Variants in RALYL observed in about 807,000 individuals in gnomAD.
The protein encoded by RALYL is RNA-binding Raly-like protein.
Under a neutral mutation model 35.1 loss-of-function variants are expected in RALYL, and 29 were observed. That is an observed-to-expected ratio of 0.83 (90% CI 0.61 to 1.13). RALYL has a LOEUF of 1.13. RALYL is among the 50% of genes most tolerant of loss of function. The pLI, the probability that RALYL is intolerant of heterozygous loss-of-function variation, is 0.00. For synonymous variants in RALYL, 120 were observed against 127.6 expected (o/e 0.94, Z 0.40); for missense variants, 359 against 360.4 (o/e 1.00, Z 0.03).
intron 3 of RALYL, among the ~76,000 whole-genome samples, 160 bp downstream of exon 3, chr8:84,774,814 G>T (rs1009224234): frequency 1.3e-5 from 2 of 152,136 alleles, no homozygotes; most frequent in Non-Finnish European, 2.9e-5. Flanking sequence ...ATATCTTGCT[G>T]CATTGGCAAG....
chr8:84,461,255 T>TC (rs1295121277), intron 1 of RALYL, among the ~76,000 whole-genome samples: 2 of 151,722 alleles, frequency 1.3e-5, no homozygotes, highest in African/African-American at 4.8e-5. Flanking sequence ...ATACCTTCCA[T>TC]TTTAATCAAA....
chr8:84,799,424 T>C (rs1475087718), intron 3 of RALYL, among the ~76,000 whole-genome samples: 1 of 152,192 alleles, frequency 6.6e-6, no homozygotes, highest in African/African-American at 2.4e-5. Context: ...AAAGAAATAC[T>C]GAAGAAGGAA....
intron 1 of RALYL, among the ~76,000 whole-genome samples, chr8:84,403,747 A>G (rs2043181507): frequency 1.3e-5 from 2 of 151,864 alleles, no homozygotes; most frequent in Non-Finnish European, 2.9e-5. Context: ...TGATGGGAAT[A>G]TCATTGAATC....
At chr8:84,589,309 A>C (rs937288948) in intron 2 of RALYL, among the ~76,000 whole-genome samples, 1 of 152,178 alleles carries the variant, frequency 6.6e-6, no homozygotes, top group Non-Finnish European at 1.5e-5. Context: ...ATAGGAGAAA[A>C]ATGTAGCTTT....
chr8:84,277,167 A>C (rs1835552290), intron 1 of RALYL, among the ~76,000 whole-genome samples: 1 of 152,202 alleles, frequency 6.6e-6, no homozygotes, highest in African/African-American at 2.4e-5. Flanking sequence ...TGAAAGAAAG[A>C]GGTTTAATGG....
At chr8:84,621,057 T>G (rs1281534677) in intron 2 of RALYL, among the ~76,000 whole-genome samples, 1 of 152,224 alleles carries the variant, frequency 6.6e-6, no homozygotes, top group African/African-American at 2.4e-5. Context: ...GTTTGTGCCC[T>G]GCCCCCAGAG....
rs529656004 is a variant in RALYL at position 84,198,999 on chromosome 8, G to A, written c.-24+14575G>A. Among the ~76,000 whole-genome samples, 9 of 152,036 alleles carry A rather than the reference G, an allele frequency of 5.9e-5. No individual in the cohort carries two copies. The East Asian group carries it at 1.5e-3, about 26-fold the overall frequency. The stretch of plus-strand genomic sequence containing the variant: ...TGATATACTAATCTTCTTTCTTTTG[G>A]GTATATACTCCAGAGTGGGATTTCG... On this transcript the variant is annotated intron_variant, in intron 1 of 8. Transcript: ENST00000521268.
At chr8:84,318,050 T>G (rs1173500750) in intron 1 of RALYL, among the ~76,000 whole-genome samples, 2 of 152,212 alleles carry the variant, frequency 1.3e-5, no homozygotes, top group Non-Finnish European at 2.9e-5. Context: ...AAAATAGCCA[T>G]AAAACATGTC....
In RALYL at chr8:84,391,505, A is replaced by T. The variant is rs143627526; in HGVS notation, c.-23-137794A>T. Among the ~76,000 whole-genome samples the T allele has an allele frequency of 6.6e-5, 10 of 152,114 alleles. No individual in the cohort carries two copies. In the East Asian group the frequency reaches 1.9e-3, roughly 30 times the overall value. On this transcript the variant is annotated intron_variant, in intron 1 of 8. Transcript: ENST00000521268. ...TTGTCTGTAGGTTATTCTCACCCCA[A>T]ACCTCCTTTTCAGTTCATTGTACTA... is the stretch of plus-strand genomic sequence containing the variant.
chr8:84,649,743 A>G (rs1278181390), intron 2 of RALYL, among the ~76,000 whole-genome samples: 2 of 152,152 alleles, frequency 1.3e-5, no homozygotes, highest in Non-Finnish European at 2.9e-5. Context: ...CTTTTGGCTT[A>G]GGATTGACTT....
chr8:84,735,302 A>G (rs1478806146), intron 2 of RALYL, among the ~76,000 whole-genome samples: 2 of 152,084 alleles, frequency 1.3e-5, no homozygotes, highest in African/African-American at 2.4e-5. Flanking sequence ...TGAAATAAAA[A>G]TTAATAAAGG....
chr8:84,310,393 A>G (rs2129810878), intron 1 of RALYL, among the ~76,000 whole-genome samples: 1 of 152,238 alleles, frequency 6.6e-6, no homozygotes, highest in Middle Eastern at 3.4e-3. Flanking sequence ...GAAAAATTGA[A>G]TATATGTTAA....
intron 1 of RALYL, among the ~76,000 whole-genome samples, chr8:84,216,861 T>C (rs1295218766): frequency 6.6e-6 from 1 of 152,136 alleles, no homozygotes; most frequent in Admixed American, 6.5e-5. Context: ...AACCAATTGA[T>C]TTCCACTTTG....
chr8:84,667,752 G>C (rs113540806), intron 2 of RALYL, among the ~76,000 whole-genome samples: 4 of 151,968 alleles, frequency 2.6e-5, no homozygotes, highest in African/African-American at 9.6e-5. Flanking sequence ...CTTGTTTCTG[G>C]TATGATAAAA....
intron 2 of RALYL, among the ~76,000 whole-genome samples, chr8:84,682,729 C>G (rs1835840601): frequency 6.6e-6 from 1 of 152,078 alleles, no homozygotes; most frequent in Non-Finnish European, 1.5e-5. Flanking sequence ...ATTCGTCTCT[C>G]TTTTCTTCTT....
chr8:84,491,079 C>G (rs2055243486), intron 1 of RALYL, among the ~76,000 whole-genome samples: 1 of 151,778 alleles, frequency 6.6e-6, no homozygotes. Context: ...ATTGTTTCCT[C>G]TGTCTATATA....
intron 1 of RALYL, among the ~76,000 whole-genome samples, chr8:84,477,591 T>TATAA (rs1357304403): frequency 4.0e-5 from 6 of 150,662 alleles, no homozygotes; most frequent in Non-Finnish European, 8.9e-5. Flanking sequence ...ACAGATTTAT[T>TATAA]ATAAATAAAT....
chr8:84,478,340 A>G (rs2053651028), intron 1 of RALYL, among the ~76,000 whole-genome samples: 1 of 152,208 alleles, frequency 6.6e-6, no homozygotes, highest in Non-Finnish European at 1.5e-5. Flanking sequence ...GAGGAAAGAC[A>G]AAGATGAATA....
intron 2 of RALYL, among the ~76,000 whole-genome samples, chr8:84,546,226 A>G (rs1298708813): frequency 6.6e-6 from 1 of 152,146 alleles, no homozygotes; most frequent in African/African-American, 2.4e-5. Flanking sequence ...CCCGGGCTCA[A>G]GTGATTCTAC....
Sources: gnomAD v4.1 joint callset for allele counts (sites outside exome capture counted in the v4.1 genomes callset) on GRCh38, gnomAD v4.1.1 for gene constraint, MANE v1.5 for transcripts, NCBI Gene and HGNC (gene_info 2026-07-23, HGNC 2026-07-21) for gene names.